Variants in CLYBL observed in about 807,000 individuals in gnomAD.
The protein encoded by CLYBL is citramalyl-CoA lyase, mitochondrial.
A neutral mutation model predicts 38.9 loss-of-function variants in CLYBL; 31 were observed. That is an observed-to-expected ratio of 0.80 (90% CI 0.60 to 1.08). CLYBL has a LOEUF of 1.08. CLYBL is among the 50% of genes least tolerant of loss of function. The pLI is 0.00. For missense variants in CLYBL, 434 were observed against 411.6 expected (o/e 1.05, Z -0.47); for synonymous variants, 171 against 158.6 (o/e 1.08, Z -0.59).
chr13:99,730,573 G>A (rs1258644947), intron 1 of CLYBL, among the ~76,000 whole-genome samples: 1 of 152,172 alleles, frequency 6.6e-6, no homozygotes, highest in Non-Finnish European at 1.5e-5. Context: ...GATGGGGTGA[G>A]CCTGGGGACA....
intron 2 of CLYBL, among the ~76,000 whole-genome samples, chr13:99,842,873 T>C (rs548691030): frequency 6.4e-4 from 98 of 152,128 alleles, no homozygotes; most frequent in African/African-American, 2.3e-3. Context: ...TGCTTATAAA[T>C]AGCCGCTACC....
At chr13:99,705,633 T>C (rs1455718365) in intron 1 of CLYBL, among the ~76,000 whole-genome samples, 1 of 151,834 alleles carries the variant, frequency 6.6e-6, no homozygotes, top group Non-Finnish European at 1.5e-5. Flanking sequence ...CTTGAAGATA[T>C]GCTGAGTGAA....
intron 1 of CLYBL, among the ~76,000 whole-genome samples, chr13:99,636,403 G>A (rs1224969505): frequency 3.3e-5 from 5 of 152,232 alleles, no homozygotes; most frequent in African/African-American, 1.2e-4. Context: ...CTTGAAAACA[G>A]AGGTGGGACC....
intron 7 of CLYBL, among the ~76,000 whole-genome samples, chr13:99,872,519 C>T (rs2051932624): frequency 6.6e-6 from 1 of 152,144 alleles, no homozygotes; most frequent in Admixed American, 6.5e-5. Flanking sequence ...CCACGCATAC[C>T]CACACCGAAT....
At chr13:99,652,027 C>T (rs1348190275) in intron 1 of CLYBL, among the ~76,000 whole-genome samples, 1 of 152,192 alleles carries the variant, frequency 6.6e-6, no homozygotes, top group Non-Finnish European at 1.5e-5. Context: ...ACATTCACAC[C>T]GTCGGTGGAA....
At chr13:99,902,141 T>C (rs1346672660) in intron 8 of CLYBL, among the ~76,000 whole-genome samples, 1 of 152,226 alleles carries the variant, frequency 6.6e-6, no homozygotes, top group African/African-American at 2.4e-5. Flanking sequence ...TTTATAACAG[T>C]ATAAACTCAT....
At chr13:99,760,186 T>C (rs1367253224) in intron 1 of CLYBL, among the ~76,000 whole-genome samples, 1 of 152,352 alleles carries the variant, frequency 6.6e-6, no homozygotes, top group East Asian at 1.9e-4. Context: ...CCATTGCTGA[T>C]TTTAGTAATT....
chr13:99,823,396 C>T (rs910360201), intron 2 of CLYBL, among the ~76,000 whole-genome samples: 1 of 152,176 alleles, frequency 6.6e-6, no homozygotes, highest in Non-Finnish European at 1.5e-5. Flanking sequence ...TGCATTATGC[C>T]ACGTATCCAT....
In CLYBL at chr13:99,870,948, G is replaced by A. The variant is rs774568930; in HGVS notation, c.813G>A (p.Val271=). 2.2e-5 allele frequency: 35 copies of A among 1,609,308 alleles called. No homozygotes were observed. Among genetic ancestry groups the A allele is most frequent in the Non-Finnish European group, 2.5e-5 (30 of 1,178,246 alleles). ...TTAATATTCTTGTAGGTAAGCAGGT[G>A]ATTCACCCTAACCAAATTGCCGTGG... ...GAAMGFTGKQ[V]IHPNQIAVVQ... is the part of the protein sequence containing the mutation. The change falls in exon 7 of 9, where the codon GTG becomes GTA. Residue 271 remains valine (V), a synonymous_variant. Coordinates refer to ENST00000339105, the MANE Select transcript of CLYBL (RefSeq NM_206808.5).
At chr13:99,676,176 C>G (rs944102464) in intron 1 of CLYBL, among the ~76,000 whole-genome samples, 1 of 137,938 alleles carries the variant, frequency 7.2e-6, no homozygotes, top group Non-Finnish European at 1.6e-5. Flanking sequence ...TTCCTTCCTT[C>G]CCTCCGTCCG....
chr13:99,905,445 A>G (rs1004757825), intron 9 of CLYBL, among the ~76,000 whole-genome samples: 1 of 152,180 alleles, frequency 6.6e-6, no homozygotes, highest in African/African-American at 2.4e-5. Context: ...ACTGGCCAAA[A>G]GGGTGTCTTG....
chr13:99,780,264 T>C (rs1175810396), intron 2 of CLYBL, among the ~76,000 whole-genome samples: 1 of 152,212 alleles, frequency 6.6e-6, no homozygotes, highest in Non-Finnish European at 1.5e-5. Context: ...ACATCAACTT[T>C]CCTTAGGTTG....
intron 1 of CLYBL, among the ~76,000 whole-genome samples, chr13:99,623,738 T>C (rs1011641900): frequency 3.3e-5 from 5 of 151,964 alleles, no homozygotes; most frequent in Non-Finnish European, 7.4e-5. Flanking sequence ...GGTGGGCAGA[T>C]CATGAGGTCA....
At chr13:99,776,025 G>A (rs972679596) in intron 2 of CLYBL, among the ~76,000 whole-genome samples, 3 of 151,736 alleles carry the variant, frequency 2.0e-5, no homozygotes, top group South Asian at 2.1e-4. Context: ...TTAGCTGGGC[G>A]TGGTGGCGGG....
intron 1 of CLYBL, among the ~76,000 whole-genome samples, chr13:99,669,876 A>G (rs546556992): frequency 2.0e-5 from 3 of 152,312 alleles, no homozygotes; most frequent in South Asian, 4.1e-4. Context: ...AGAAATTTCC[A>G]TGTGTATAAA....
chr13:99,862,129 T>C (rs1175844125), intron 3 of CLYBL, among the ~76,000 whole-genome samples: 1 of 152,228 alleles, frequency 6.6e-6, no homozygotes, highest in East Asian at 1.9e-4. Context: ...TTTCCTTTGA[T>C]ATCTATTAAT....
intron 7 of CLYBL, among the ~76,000 whole-genome samples, chr13:99,884,017 G>GA (rs951503006): frequency 1.3e-5 from 2 of 152,024 alleles, no homozygotes; most frequent in African/African-American, 4.8e-5. Context: ...TTCTTTTTGT[G>GA]AAAAGGTCTC....
intron 1 of CLYBL, among the ~76,000 whole-genome samples, chr13:99,675,554 AACC>A (rs1157737738): frequency 6.6e-6 from 1 of 152,160 alleles, no homozygotes; most frequent in African/African-American, 2.4e-5. Flanking sequence ...AGTCCTAGGC[AACC>A]ACTAGTCTAC....
At chr13:99,860,427 A>G (rs540107132) in intron 3 of CLYBL, among the ~76,000 whole-genome samples, 4 of 152,202 alleles carry the variant, frequency 2.6e-5, no homozygotes, top group African/African-American at 7.2e-5. Context: ...CCAGTTATTT[A>G]TTGACTAAGC....
Sources: gnomAD v4.1 joint callset for allele counts (sites outside exome capture counted in the v4.1 genomes callset) on GRCh38, gnomAD v4.1.1 for gene constraint, MANE v1.5 for transcripts, NCBI Gene and HGNC (gene_info 2026-07-23, HGNC 2026-07-21) for gene names.